Variants in NARS1 observed in about 807,000 individuals in gnomAD.
The protein encoded by NARS1 is asparaginyl-tRNA synthetase 1, also known as asparagine--tRNA ligase, cytoplasmic.
NARS1 carries 65 observed loss-of-function variants against 79.2 expected under a neutral mutation model. That is an observed-to-expected ratio of 0.82 (90% confidence interval 0.67 to 1.01). The LOEUF is 1.01. Among genes scored for constraint, NARS1 ranks in the 50% least tolerant of loss-of-function variants. The pLI, the probability that NARS1 is intolerant of heterozygous loss-of-function variation, is 0.00. For missense variants in NARS1, 649 were observed against 673.8 expected, an observed-to-expected ratio of 0.96 and a Z score of 0.41; for synonymous variants, 229 against 238.8, an observed-to-expected ratio of 0.96 and a Z score of 0.38.
Position 57,615,852 on chromosome 18 carries a change from C to T in NARS1, c.217G>A (p.Glu73Lys), listed in dbSNP as rs764849462. Reference sequence around the variant, plus strand: ...TCCCGGGATTCACTCTTCATTTGTTCCCTATGCCACATCTTTTTAATGTTC... The same window carrying T: ...TCCCGGGATTCACTCTTCATTTGTTTCCTATGCCACATCTTTTTAATGTTC... ...LKNIKKMWHR[E>K]QMKSESREKK... The change falls in exon 3 of 14, where the codon GAA becomes AAA. Residue 73 changes from glutamate (E) to lysine (K), a missense_variant. Coordinates refer to ENST00000256854, the MANE Select transcript of NARS1 (RefSeq NM_004539.4). 8.7e-6 allele frequency: 14 copies of T among 1,613,248 alleles called. No individual in the cohort carries two copies. The highest frequency in any genetic ancestry group is 1.3e-5 in the African/African-American group (1 of 74,850).
intron 5 of NARS1, 54 bp downstream of exon 5, chr18:57,613,548 T>C: frequency 2.8e-6 from 4 of 1,438,118 alleles, no homozygotes; most frequent in Non-Finnish European, 3.9e-6. Flanking sequence ...TTTTTCTTCA[T>C]CTAAGAGCAG....
chr18:57,608,069 T>C (rs1037148445), intron 7 of NARS1, among the ~76,000 whole-genome samples: 1 of 145,488 alleles, frequency 6.9e-6, no homozygotes, highest in African/African-American at 2.5e-5. Context: ...GGTTTCACCA[T>C]GTTGGCAAAA....
At chr18:57,608,534 T>A (rs1299500921) in intron 7 of NARS1, among the ~76,000 whole-genome samples, 2 of 151,796 alleles carry the variant, frequency 1.3e-5, no homozygotes, top group African/African-American at 2.4e-5. Context: ...TTTATTTCCA[T>A]CTGGCTGAAA....
chr18:57,611,769 T>C (rs576021221), intron 5 of NARS1, 62 bp from the exon 6 acceptor site: 19 of 900,314 alleles, frequency 2.1e-5, no homozygotes, highest in Admixed American at 7.5e-5. Flanking sequence ...TTTATATATA[T>C]ATATAATTTT....
chr18:57,615,770 A>T (rs1358216047), intron 3 of NARS1, 40 bp from the exon 4 acceptor site: 1 of 1,610,668 alleles, frequency 6.2e-7, no homozygotes, highest in Non-Finnish European at 8.5e-7. Context: ...CATGGTTGCC[A>T]GAGTTCTAAC....
chr18:57,610,965 CT>C (rs773482503), intron 6 of NARS1, among the ~76,000 whole-genome samples: 1,415 of 126,178 alleles, frequency 0.011, 11 homozygotes, highest in African/African-American at 0.022. Context: ...TGACTATTAT[CT>C]TTTTTTTTTT....
chr18:57,607,667 T>A lies in NARS1; in HGVS notation c.580-2A>T. 1 of 1,602,250 alleles carries A rather than the reference T, an allele frequency of 6.2e-7. No individual in the cohort carries two copies. The highest frequency in any genetic ancestry group is 8.5e-7 in the Non-Finnish European group (1 of 1,172,094). ...ACTCAGCTCATGGCCACCTGGAGCC[T>A]GCATTTTTTAAAAGTGGGGTCCAGA... On this transcript the variant is annotated splice_acceptor_variant, in intron 7 of 13. Transcript: ENST00000256854. LOFTEE classifies it high-confidence loss of function.
chr18:57,616,336 C>G (rs1161711091), intron 2 of NARS1, among the ~76,000 whole-genome samples: 1 of 150,884 alleles, frequency 6.6e-6, no homozygotes, highest in African/African-American at 2.4e-5. Context: ...AGGAGAATGG[C>G]GTGAACCTGG....
At position 57,615,937 on chromosome 18, in the gene NARS1, A is replaced by G. The variant is rs771609975; in HGVS notation, c.132T>C (p.Ile44=). The change falls in exon 3 of 14, where the codon ATT becomes ATC. Residue 44 remains isoleucine, a synonymous_variant. Transcript: ENST00000256854. ...MTVGKEPFPT[I]YVDSQKENER... ...CATTTTCTTTTTGTGAATCTACGTA[A>G]ATGGTAGGAAATGGTTCTTTCCCTA... is the stretch of plus-strand genomic sequence containing the variant. 1.2e-5 allele frequency: 19 copies of G among 1,612,174 alleles called. No individual in the cohort carries two copies. The East Asian group carries it at 4.0e-4, about 34-fold the overall frequency.
intron 2 of NARS1, among the ~76,000 whole-genome samples, chr18:57,617,052 T>A (rs921449440): frequency 2.0e-5 from 3 of 150,068 alleles, no homozygotes; most frequent in Admixed American, 2.0e-4. Context: ...ATGGGACATA[T>A]CAAGCATTGC....
chr18:57,610,291 GCAA>G (rs2051594399), intron 6 of NARS1, among the ~76,000 whole-genome samples: 1 of 151,408 alleles, frequency 6.6e-6, no homozygotes, highest in Non-Finnish European at 1.5e-5. Context: ...GGCCAACATG[GCAA>G]AAACCTGTCT....
intron 7 of NARS1, 148 bp from the exon 8 acceptor site, chr18:57,607,813 G>A: frequency 1.6e-6 from 1 of 631,680 alleles, no homozygotes; most frequent in Non-Finnish European, 2.7e-6. Flanking sequence ...GTTTTATATT[G>A]ATATTTTTAC....
intron 4 of NARS1, among the ~76,000 whole-genome samples, chr18:57,614,356 C>G (rs2051629893): frequency 6.6e-6 from 1 of 152,048 alleles, no homozygotes; most frequent in African/African-American, 2.4e-5. Context: ...CAAAAATTAG[C>G]CAGGCGTGGT....
chr18:57,606,084 C>T lies in NARS1; in HGVS notation c.1138-114G>A, dbSNP rs113825753. 5,175 of 636,188 alleles carry T rather than the reference C, an allele frequency of 8.1e-3. 108 individuals carry two copies. The highest frequency in any genetic ancestry group is 0.053 in the African/African-American group (2,820 of 52,856). 39.4% of individuals were successfully genotyped at this position (636,188 alleles called of 1,614,324 possible). ...ATTACTTCAGTGAGGTGTGGTGGCT[C>T]ATGCCTGTAATCCCAGCATTTTGGG... On this transcript the variant is annotated intron_variant, in intron 10 of 13. Coordinates refer to ENST00000256854, the MANE Select transcript of NARS1 (RefSeq NM_004539.4).
chr18:57,612,193 T>TG (rs2051609574), intron 5 of NARS1, among the ~76,000 whole-genome samples: 1 of 152,170 alleles, frequency 6.6e-6, no homozygotes, highest in Admixed American at 6.5e-5. Context: ...TTCAATGTAT[T>TG]GGACTTTCAA....
intron 2 of NARS1, among the ~76,000 whole-genome samples, chr18:57,618,114 T>C (rs1462934482): frequency 3.5e-5 from 5 of 142,008 alleles, no homozygotes; most frequent in South Asian, 2.2e-4. Flanking sequence ...CCATCTCTAC[T>C]AGAAATAAAA....
intron 7 of NARS1, among the ~76,000 whole-genome samples, chr18:57,608,171 G>A (rs971350290): frequency 2.0e-5 from 3 of 151,954 alleles, no homozygotes; most frequent in Non-Finnish European, 4.4e-5. Context: ...CAGCCTGTGC[G>A]TTTCCATTTT....
At chr18:57,612,002 C>A (rs1326497198) in intron 5 of NARS1, among the ~76,000 whole-genome samples, 3 of 152,118 alleles carry the variant, frequency 2.0e-5, no homozygotes, top group Non-Finnish European at 4.4e-5. Flanking sequence ...AGCAATCCTC[C>A]TACCTCAGCC....
At chr18:57,607,805 T>C in intron 7 of NARS1, 140 bp from the exon 8 acceptor site, 1 of 660,240 alleles carries the variant, frequency 1.5e-6, no homozygotes, top group East Asian at 2.7e-5. Flanking sequence ...TTAGTTTAGT[T>C]TTATATTGAT....
Sources: allele counts gnomAD v4.1 joint callset (sites outside exome capture counted in the v4.1 genomes callset), GRCh38; gene constraint gnomAD v4.1.1; transcripts MANE v1.5; gene names NCBI Gene and HGNC (gene_info 2026-07-23, HGNC 2026-07-21).